WWOX: variants seen among roughly 807,000 people sequenced by gnomAD.
WWOX encodes WW domain containing oxidoreductase, also known as WW domain-containing oxidoreductase.
A neutral mutation model predicts 46.2 loss-of-function variants in WWOX; 69 were observed. The observed-to-expected ratio is 1.49, with a 90% CI of 1.23 to 1.82. The LOEUF (loss-of-function observed/expected upper bound fraction) is 1.82. Among genes scored for constraint, WWOX ranks in the 40% most tolerant of loss-of-function variants. The pLI is 0.00. For missense variants in WWOX, 919 were observed against 542.6 expected (o/e 1.69, Z -6.89); for synonymous variants, 359 against 202.6 (o/e 1.77, Z -6.56).
intron 8 of WWOX, among the ~76,000 whole-genome samples, chr16:78,822,578 A>G (rs550342749): frequency 3.9e-5 from 6 of 152,314 alleles, no homozygotes; most frequent in East Asian, 1.9e-4. Flanking sequence ...TAAATATTTT[A>G]TAAATAAAGT....
At chr16:78,996,369 T>TGCGGGGGGGGG in intron 8 of WWOX, 1 of 879,316 alleles carries the variant, frequency 1.1e-6, no homozygotes, top group Non-Finnish European at 1.3e-6. Context: ...GAGTGAATTC[T>TGCGGGGGGGGG]GCACCCACCC....
intron 8 of WWOX, among the ~76,000 whole-genome samples, chr16:78,993,398 C>G (rs1486850363): frequency 1.3e-5 from 2 of 152,134 alleles, no homozygotes; most frequent in African/African-American, 4.8e-5. Context: ...GTGTCATTAA[C>G]TGGGGACTCT....
chr16:79,058,101 T>A (rs925884878), intron 8 of WWOX, among the ~76,000 whole-genome samples: 3 of 128,480 alleles, frequency 2.3e-5, no homozygotes, highest in African/African-American at 3.3e-5. Context: ...GAGATATATC[T>A]TACTTAAAAA....
At chr16:79,139,661 T>G (rs540356836) in intron 8 of WWOX, among the ~76,000 whole-genome samples, 1 of 152,162 alleles carries the variant, frequency 6.6e-6, no homozygotes, top group Admixed American at 6.5e-5. Flanking sequence ...CTTGTTGAAA[T>G]GTTTTTAAAA....
chr16:78,493,601 C>G (rs370431167), intron 8 of WWOX, among the ~76,000 whole-genome samples: 1 of 151,706 alleles, frequency 6.6e-6, no homozygotes, highest in Non-Finnish European at 1.5e-5. Context: ...TTAATGACAC[C>G]GCAAAAATGA....
chr16:78,535,874 T>C (rs1320179524), intron 8 of WWOX, among the ~76,000 whole-genome samples: 2 of 152,134 alleles, frequency 1.3e-5, no homozygotes, highest in Non-Finnish European at 2.9e-5. Flanking sequence ...TTAGGCTTTC[T>C]TGGACTCATT....
chr16:78,556,918 C>T (rs1016488952), intron 8 of WWOX, among the ~76,000 whole-genome samples: 1 of 151,962 alleles, frequency 6.6e-6, no homozygotes, highest in African/African-American at 2.4e-5. Context: ...GAGGTTTTGC[C>T]ATATTGGTCA....
At chr16:78,283,122 A>G (rs2079708248) in intron 5 of WWOX, among the ~76,000 whole-genome samples, 1 of 152,084 alleles carries the variant, frequency 6.6e-6, no homozygotes, top group South Asian at 2.1e-4. Context: ...GCTGTGAGAT[A>G]CTAGCTAATT....
intron 5 of WWOX, among the ~76,000 whole-genome samples, chr16:78,329,820 C>T (rs2080714964): frequency 6.6e-6 from 1 of 151,244 alleles, no homozygotes; most frequent in African/African-American, 2.4e-5. Flanking sequence ...AATCATAGCT[C>T]ACTGCAGCCT....
At chr16:78,604,565 C>G (rs1005771356) in intron 8 of WWOX, among the ~76,000 whole-genome samples, 1 of 152,072 alleles carries the variant, frequency 6.6e-6, no homozygotes, top group South Asian at 2.1e-4. Flanking sequence ...TACGTTGTAT[C>G]AATTTTAAAG....
intron 5 of WWOX, among the ~76,000 whole-genome samples, chr16:78,269,728 G>C (rs2079437178): frequency 6.6e-6 from 1 of 152,126 alleles, no homozygotes; most frequent in Non-Finnish European, 1.5e-5. Context: ...AGGAGTTGCA[G>C]CTTCTGGCCA....
intron 8 of WWOX, among the ~76,000 whole-genome samples, chr16:78,548,871 G>A (rs2044110903): frequency 6.6e-6 from 1 of 152,106 alleles, no homozygotes; most frequent in East Asian, 1.9e-4. Context: ...TAACATCAAG[G>A]CTTAATTGTA....
intron 8 of WWOX, among the ~76,000 whole-genome samples, chr16:78,499,355 G>T (rs2084999096): frequency 6.6e-6 from 1 of 152,192 alleles, no homozygotes; most frequent in African/African-American, 2.4e-5. Flanking sequence ...TGGCCCACGG[G>T]AGACCCCCTG....
intron 8 of WWOX, among the ~76,000 whole-genome samples, chr16:79,197,268 C>G (rs1469786157): frequency 6.6e-6 from 1 of 152,188 alleles, no homozygotes. Context: ...TATCATAGCT[C>G]TTGATCTTCC....
chr16:79,148,387 G>A (rs8056647), intron 8 of WWOX, among the ~76,000 whole-genome samples: 34,344 of 151,994 alleles, frequency 0.23, 4,202 homozygotes, highest in East Asian at 0.43. Context: ...ATGTTTGTGT[G>A]GGTATCTTTC....
Position 78,229,350 on chromosome 16 carries a change from A to C in WWOX, c.516+65061A>C, listed in dbSNP as rs943695145. ...CTTGATCAAATTGCTTTTCTTTTTAACTCTAGTTAAATATTTTCCATTCTT... is the reference window on the plus strand; with the variant it reads ...CTTGATCAAATTGCTTTTCTTTTTACCTCTAGTTAAATATTTTCCATTCTT... On this transcript the variant is annotated intron_variant, in intron 5 of 8. Transcript: ENST00000566780. 4.2e-4 allele frequency among the ~76,000 whole-genome samples: 63 copies of C among 150,896 alleles called. 1 individual carries two copies. The highest frequency in any genetic ancestry group is 1.9e-3 in the Admixed American group (29 of 15,152).
chr16:78,874,007 A>G (rs2044181744), intron 8 of WWOX, among the ~76,000 whole-genome samples: 8 of 151,944 alleles, frequency 5.3e-5, no homozygotes, highest in Admixed American at 4.6e-4. Context: ...CATGCCTGTA[A>G]TCCCAGCACT....
At chr16:78,579,211 A>G (rs1385420467) in intron 8 of WWOX, among the ~76,000 whole-genome samples, 2 of 152,174 alleles carry the variant, frequency 1.3e-5, no homozygotes, top group East Asian at 3.9e-4. Context: ...ACTAACTACC[A>G]GGGATGAAAA....
chr16:79,154,575 T>G (rs1044824247), intron 8 of WWOX, among the ~76,000 whole-genome samples: 3 of 151,760 alleles, frequency 2.0e-5, no homozygotes, highest in Non-Finnish European at 4.4e-5. Flanking sequence ...GATGGGGATA[T>G]TCGATGGCAA....
Sources: gnomAD v4.1 joint callset for allele counts (sites outside exome capture counted in the v4.1 genomes callset) on GRCh38, gnomAD v4.1.1 for gene constraint, MANE v1.5 for transcripts, NCBI Gene and HGNC (gene_info 2026-07-23, HGNC 2026-07-21) for gene names.